Variants in KCP observed in about 807,000 individuals in gnomAD.
The protein encoded by KCP is kielin/chordin-like protein.
KCP carries 194 observed loss-of-function variants against 212.7 expected under a neutral mutation model. That is an observed-to-expected ratio of 0.91 (90% CI 0.81 to 1.03). The LOEUF (loss-of-function observed/expected upper bound fraction) is 1.03, where lower values mean the gene tolerates loss of function less well. Among genes scored for constraint, KCP ranks in the 50% least tolerant of loss-of-function variants. The probability of loss-of-function intolerance (pLI) is 0.00; values close to 1 mark genes in which losing one functional copy is unlikely to be tolerated. For missense variants in KCP, 2,080 were observed against 2,162.5 expected, an observed-to-expected ratio of 0.96 and a Z score of 0.76; for synonymous variants, 833 against 865.3, an observed-to-expected ratio of 0.96 and a Z score of 0.65.
rs1369881706 is a variant in KCP at position 128,885,247 on chromosome 7, G to A, written c.2890C>T (p.His964Tyr). The stretch of plus-strand genomic sequence containing the variant: ...GGCACCCATCTACTGCCTTCGGGGT[G>A]CTCTTCCCCATGAGCCAGGCAGCCT... ...CRGCLAHGEE[H>Y]PEGSRWVPPD... Residue 964 changes from histidine to tyrosine, a missense_variant, in exon 27 of 40, where the codon CAC becomes TAC. Transcript: ENST00000610776. The A allele has an allele frequency of 1.9e-6, 3 of 1,547,340 alleles. No individual in the cohort carries two copies. The highest frequency in any genetic ancestry group is 3.9e-5 in the Admixed American group (2 of 50,916).
intron 16 of KCP, 129 bp from the exon 17 acceptor site, chr7:128,891,948 T>C (rs1009699828): frequency 7.9e-6 from 5 of 630,052 alleles, no homozygotes; most frequent in African/African-American, 3.7e-5. Context: ...GAAGTGGCCA[T>C]GTGCACATGT....
rs1793037526 is a variant in KCP, at chr7:128,877,179, C to A, written c.4751G>T (p.Cys1584Phe). Reference sequence around the variant, plus strand: ...CTCCACCAGGCCTGCAGGGCACTGGCAGCCGGGCACGCAGGGCCTCACGCA... The same window carrying A: ...CTCCACCAGGCCTGCAGGGCACTGGAAGCCGGGCACGCAGGGCCTCACGCA... ...AHCVRPCVPG[C>F]QCPAGLVEHE... The change falls in exon 40 of 40, where the codon TGC becomes TTC. Residue 1584 changes from cysteine to phenylalanine, a missense_variant. By Grantham distance (205) the Cys-to-Phe change is radical. Transcript: ENST00000610776. 2.7e-6 allele frequency: 4 copies of A among 1,488,376 alleles called. No homozygotes were observed. Among genetic ancestry groups the A allele is most frequent in the Non-Finnish European group, 3.6e-6 (4 of 1,119,980 alleles). The allele number at this position is 1,488,376 out of a possible 1,614,324, so 92.2% of individuals were successfully genotyped here. A position where few individuals can be genotyped will look rare whatever the true frequency, so the allele number is the denominator to read the frequency against.
At chr7:128,902,376 C>T (rs553824525) in intron 8 of KCP, among the ~76,000 whole-genome samples, 4 of 152,338 alleles carry the variant, frequency 2.6e-5, no homozygotes, top group African/African-American at 9.6e-5. Context: ...ACTTATGGCA[C>T]ATCTCATTTT....
chr7:128,890,421 C>T lies in KCP; in HGVS notation c.2257G>A (p.Val753Met), dbSNP rs758759221. Residue 753 changes from valine to methionine, a missense_variant, in exon 21 of 40, where the codon GTG (valine) becomes ATG (methionine). Physicochemically the swap from Val to Met is conservative, Grantham distance 21. Coordinates refer to ENST00000610776, the MANE Select transcript of KCP (RefSeq NM_001366122.1). ...GCACATGCCTTGGGCTCGCAGCTCA[C>T]GCTGCCCTCCCAGCAAAGGCAGAGG... ...CHLCLCWEGS[V>M]SCEPKACAPA... The T allele has an allele frequency of 2.4e-5, 37 of 1,551,080 alleles. No homozygotes were observed. The highest frequency in any genetic ancestry group is 1.7e-4 in the Middle Eastern group (1 of 6,012).
In KCP at chr7:128,891,652, A is replaced by T. The variant is rs931175053; in HGVS notation, c.1789T>A (p.Cys597Ser). ...CCTGACCCGCCCACCTCACCGCTGC[A>T]GTCGTTCGGGCAGCAGGTCCCAGGC... ...PLPGTCCPND[C>S]SGCAFGGKEY... Residue 597 changes from cysteine (C) to serine (S), a missense_variant, in exon 17 of 40, where the codon TGC (cysteine) becomes AGC (serine). By Grantham distance (112) the Cys-to-Ser change is moderately radical. Transcript: ENST00000610776. 5 of 1,464,690 alleles carry T rather than the reference A, an allele frequency of 3.4e-6. No homozygotes were observed. The highest frequency in any genetic ancestry group is 1.9e-4 in the Middle Eastern group (1 of 5,388). The allele number at this position is 1,464,690 out of a possible 1,614,324, so 90.7% of individuals were successfully genotyped here. A position where few individuals can be genotyped will look rare whatever the true frequency, so the allele number is the denominator to read the frequency against.
Position 128,894,064 on chromosome 7 carries a change from A to G in KCP, c.926-9T>C, listed in dbSNP as rs534143784. On this transcript the variant is annotated splice_polypyrimidine_tract_variant and intron_variant, in intron 9 of 39. Transcript: ENST00000610776. ...CCCGTTTAGGAAACAGCCTGTTGGG[A>G]AGGGGGGCCTTAGATGTTCCTCAGG... 1.1e-4 allele frequency: 167 copies of G among 1,548,428 alleles called. No homozygotes were observed. The African/African-American group carries it at 2.0e-3, about 19-fold the overall frequency.
In KCP at chr7:128,876,881, G is replaced by A; in HGVS notation, c.*162C>T. The A allele has an allele frequency of 1.3e-6, 1 of 781,904 alleles. No homozygotes were observed. Among genetic ancestry groups the A allele is most frequent in the Non-Finnish European group, 1.9e-6 (1 of 519,728 alleles). The allele number at this position is 781,904 out of a possible 1,614,324, so 48.4% of individuals were successfully genotyped here. Reference sequence around the variant, plus strand: ...AAGGAAGCCTTCGGGCAGGCCTAGAGTTTACTGCTGGTGACTCAACATGGC... The same window carrying A: ...AAGGAAGCCTTCGGGCAGGCCTAGAATTTACTGCTGGTGACTCAACATGGC... On this transcript the variant is annotated 3_prime_UTR_variant, in exon 40 of 40. Transcript: ENST00000610776.
chr7:128,888,002 C>A (rs1482235296), intron 22 of KCP, among the ~76,000 whole-genome samples: 1 of 148,348 alleles, frequency 6.7e-6, no homozygotes, highest in Non-Finnish European at 1.5e-5. Flanking sequence ...GACCCCCCCA[C>A]ATACACACCC....
rs1273368867 is a variant in KCP, at chr7:128,881,631, C to T, written c.3419G>A (p.Cys1140Tyr). 2.7e-6 allele frequency: 4 copies of T among 1,495,808 alleles called. No homozygotes were observed. The highest frequency in any genetic ancestry group is 3.5e-6 in the Non-Finnish European group (4 of 1,127,074). The allele number at this position is 1,495,808 out of a possible 1,614,324, so 92.7% of individuals were successfully genotyped here. Residue 1140 changes from cysteine to tyrosine, a missense_variant, in exon 31 of 40, where the codon TGC becomes TAC. Physicochemically the swap from Cys to Tyr is radical, Grantham distance 194. Coordinates refer to ENST00000610776, the MANE Select transcript of KCP (RefSeq NM_001366122.1). The part of the protein sequence containing the change: ...HTPPGSCCPV[C>Y]RECVVEAEGR... ...GGCCAAGGCTGGGCACTTACCCCGG[C>T]ATACGGGGCAGCAGCTCCCAGGGGG...
chr7:128,901,731 C>A (rs777792156), intron 8 of KCP, among the ~76,000 whole-genome samples: 12 of 152,170 alleles, frequency 7.9e-5, no homozygotes, highest in Non-Finnish European at 1.6e-4. Context: ...TGGATTGGGA[C>A]CCCTTTCCTG....
In KCP at chr7:128,884,036, G is replaced by A. The variant is rs1793492917; in HGVS notation, c.3210C>T (p.Pro1070=). Residue 1070 remains proline, a synonymous_variant, in exon 29 of 40, where the codon CCC becomes CCT. Coordinates refer to ENST00000610776, the MANE Select transcript of KCP (RefSeq NM_001366122.1). Reference sequence around the variant, plus strand: ...TGGGACAGCAGTGCTGGGGCCCAGGGGGCAGGAGCTGGCTGGGGGGGCAGC... The same window carrying A: ...TGGGACAGCAGTGCTGGGGCCCAGGAGGCAGGAGCTGGCTGGGGGGGCAGC... ...LVGCPPSQLL[P]PGPQHCCPTC... 1.3e-6 allele frequency: 2 copies of A among 1,547,614 alleles called. No individual in the cohort carries two copies. Among genetic ancestry groups the A allele is most frequent in the African/African-American group, 1.4e-5 (1 of 72,848 alleles).
chr7:128,899,875 T>TCATGA (rs2128949400), intron 8 of KCP, among the ~76,000 whole-genome samples: 3 of 152,118 alleles, frequency 2.0e-5, no homozygotes, highest in African/African-American at 7.2e-5. Flanking sequence ...AGGAATCAAA[T>TCATGA]TTGACTTGTA....
intron 29 of KCP, among the ~76,000 whole-genome samples, chr7:128,882,291 G>T (rs895340229): frequency 2.0e-5 from 3 of 152,148 alleles, no homozygotes; most frequent in Admixed American, 6.5e-5. Flanking sequence ...TTAGCCTGAG[G>T]TCACTAAAAA....
At chr7:128,904,430 C>G in intron 5 of KCP, 1 of 1,318,456 alleles carries the variant, frequency 7.6e-7, no homozygotes, top group East Asian at 2.5e-5. Flanking sequence ...CATCCTCCCT[C>G]TTTCTCTCTC....
At chr7:128,892,476 G>A (rs1298389042) in intron 16 of KCP, 38 bp downstream of exon 16, 8 of 1,419,848 alleles carry the variant, frequency 5.6e-6, no homozygotes, top group Non-Finnish European at 3.8e-6. Flanking sequence ...CAGCCTCTGG[G>A]GCCCTGATCC....
Position 128,879,822 on chromosome 7 carries a change from C to T in KCP, c.3940G>A (p.Val1314Met), listed in dbSNP as rs1183776703. ...DCHSGDFSVH[V>M]TNDDRGRSGV... Reference sequence around the variant, plus strand: ...CTCCGGCCCCGGTCATCATTGGTCACGTGCACACTGTGGGCAGGAAAGTCC... The same window carrying T: ...CTCCGGCCCCGGTCATCATTGGTCATGTGCACACTGTGGGCAGGAAAGTCC... The change falls in exon 36 of 40, where the codon GTG becomes ATG. Residue 1314 changes from valine to methionine, a missense_variant. Coordinates refer to ENST00000610776, the MANE Select transcript of KCP (RefSeq NM_001366122.1). The T allele has an allele frequency of 1.0e-5, 16 of 1,550,858 alleles. No individual in the cohort carries two copies. Among genetic ancestry groups the T allele is most frequent in the Middle Eastern group, 1.7e-4 (1 of 6,012 alleles).
At chr7:128,902,097 A>G (rs1300430307) in intron 8 of KCP, among the ~76,000 whole-genome samples, 1 of 152,302 alleles carries the variant, frequency 6.6e-6, no homozygotes, top group East Asian at 1.9e-4. Flanking sequence ...GTCTTGCTAC[A>G]TTGCCCAGGC....
chr7:128,902,779 G>T lies in KCP; in HGVS notation c.829C>A (p.Leu277Met). 5 of 1,551,482 alleles carry T rather than the reference G, an allele frequency of 3.2e-6. No individual in the cohort carries two copies. Among genetic ancestry groups the T allele is most frequent in the Non-Finnish European group, 4.4e-6 (5 of 1,146,934 alleles). The change falls in exon 8 of 40, where the codon CTG (leucine) becomes ATG (methionine). Residue 277 changes from leucine (L) to methionine (M), a missense_variant and splice_region_variant. Physicochemically the swap from Leu to Met is conservative, Grantham distance 15. Coordinates refer to ENST00000610776, the MANE Select transcript of KCP (RefSeq NM_001366122.1). ...CCAGGAGCAGCCTCAGGACTCACCAGGCACCGGCAGATTCGGCAGGGGTCC... is the reference window on the plus strand; with the variant it reads ...CCAGGAGCAGCCTCAGGACTCACCATGCACCGGCAGATTCGGCAGGGGTCC... ...PGDPCRICRCLEGHIQCRQRE... is the reference protein window; with the variant it reads ...PGDPCRICRCMEGHIQCRQRE...
intron 24 of KCP, 46 bp downstream of exon 24, chr7:128,886,830 G>A: frequency 7.2e-7 from 1 of 1,397,624 alleles, no homozygotes; most frequent in East Asian, 2.5e-5. Flanking sequence ...GGGGGAGGGA[G>A]AGGCGGGGAA....
Sources: gnomAD v4.1 joint callset for allele counts (sites outside exome capture counted in the v4.1 genomes callset) on GRCh38, gnomAD v4.1.1 for gene constraint, MANE v1.5 for transcripts, NCBI Gene and HGNC (gene_info 2026-07-23, HGNC 2026-07-21) for gene names.